The following HERC2 variants were observed in gnomAD, a reference collection of about 807,000 sequenced individuals.
The protein encoded by HERC2 is E3 ubiquitin-protein ligase HERC2.
HERC2 carries 102 observed loss-of-function variants against 537.7 expected under a neutral mutation model. The ratio of observed to expected loss-of-function variants is 0.19; its 90% CI spans 0.16 to 0.22. HERC2 has a LOEUF of 0.22. Among genes scored for constraint, HERC2 ranks in the 10% least tolerant of loss-of-function variants. The probability of loss-of-function intolerance (pLI) is 1.00; values close to 1 mark genes in which losing one functional copy is unlikely to be tolerated. For synonymous variants in HERC2, 2,224 were observed against 2,466.2 expected (o/e 0.90, Z 2.91); for missense variants, 4,236 against 6,198.2 (o/e 0.68, Z 10.63).
Position 28,175,722 on chromosome 15 carries a change from C to T in HERC2, c.9687-66G>A, listed in dbSNP as rs1353992213. Reference sequence around the variant, plus strand: ...GGTCTGACAATGCTATACAAGAAGACACTCATTGTCTCACATCTTTCACAG... The same window carrying T: ...GGTCTGACAATGCTATACAAGAAGATACTCATTGTCTCACATCTTTCACAG... On this transcript the variant is annotated intron_variant, in intron 63 of 92. Transcript: ENST00000261609. 3.8e-5 allele frequency: 57 copies of T among 1,507,772 alleles called. No homozygotes were observed. In the Middle Eastern group the frequency reaches 5.1e-4, roughly 14 times the overall value. 93.4% of individuals were successfully genotyped at this position (1,507,772 alleles called of 1,614,324 possible). A position where few individuals can be genotyped will look rare whatever the true frequency, so the allele number is the denominator to read the frequency against.
chr15:28,118,791 A>G (rs1378290491), intron 86 of HERC2, among the ~76,000 whole-genome samples: 3 of 152,172 alleles, frequency 2.0e-5, no homozygotes, highest in Non-Finnish European at 4.4e-5. Flanking sequence ...CTCCATGTTC[A>G]TTTTTAGGCA....
intron 7 of HERC2, among the ~76,000 whole-genome samples, chr15:28,273,911 T>G (rs1293181889): frequency 6.6e-6 from 1 of 152,126 alleles, no homozygotes; most frequent in Non-Finnish European, 1.5e-5. Flanking sequence ...TGATCTTGAG[T>G]AGTTGTTTAC....
At chr15:28,207,555 C>G (rs1254331138) in intron 44 of HERC2, among the ~76,000 whole-genome samples, 1 of 152,124 alleles carries the variant, frequency 6.6e-6, no homozygotes, top group Non-Finnish European at 1.5e-5. Context: ...TTAAGTGACC[C>G]CAATTCCAAA....
rs543274865 is a variant in HERC2 at position 28,279,948 on chromosome 15, C to T, written c.542+120G>A. 86 of 762,346 alleles carry T rather than the reference C, an allele frequency of 1.1e-4. 1 individual carries two copies. In the South Asian group the frequency reaches 1.5e-3, roughly 14 times the overall value. The allele number at this position is 762,346 out of a possible 1,614,324, so 47.2% of individuals were successfully genotyped here. ...ATACAAAACATACAAAAAGGGAAAG[C>T]AAGAATAAATTTCAGAAGGTGAAGA... is the stretch of plus-strand genomic sequence containing the variant. On this transcript the variant is annotated intron_variant, in intron 5 of 92. Transcript: ENST00000261609.
At chr15:28,152,165 G>A (rs1411443817) in intron 70 of HERC2, among the ~76,000 whole-genome samples, 2 of 152,218 alleles carry the variant, frequency 1.3e-5, no homozygotes, top group African/African-American at 4.8e-5. Flanking sequence ...ACGGGCCTGA[G>A]GAACACACTG....
chr15:28,257,131 G>A lies in HERC2; in HGVS notation c.2447C>T (p.Ser816Phe), dbSNP rs2075287749. ...LRQVSEGMDG[S>F]ADWPPPQEKE... Reference sequence around the variant, plus strand: ...CTCCTGGGGCGGGGGCCAGTCCGCGGAACCATCCATCCCCTCACTCACCTG... The same window carrying A: ...CTCCTGGGGCGGGGGCCAGTCCGCGAAACCATCCATCCCCTCACTCACCTG... Residue 816 changes from serine to phenylalanine, a missense_variant, in exon 17 of 93, where the codon TCC becomes TTC. Physicochemically the swap from Ser to Phe is radical, Grantham distance 155 (BLOSUM62 -2). Transcript: ENST00000261609. 5.6e-6 allele frequency: 9 copies of A among 1,613,694 alleles called. No homozygotes were observed. Among genetic ancestry groups the A allele is most frequent in the African/African-American group, 1.3e-5 (1 of 74,912 alleles).
chr15:28,292,621 G>A (rs2076348889), intron 4 of HERC2, among the ~76,000 whole-genome samples: 1 of 152,178 alleles, frequency 6.6e-6, no homozygotes, highest in Admixed American at 6.5e-5. Context: ...TATAAGACCA[G>A]CCTGGGCAAC....
rs144844826 is a variant in HERC2, at chr15:28,116,704, C to T, written c.13570G>A (p.Ala4524Thr). ...ATGCTGCTGTGCACGGGTGCTCTGG[C>T]GGCCGGGCTGAGCAGGTAGCAGTCT... ...NRDCYLLSPA[A>T]RAPVHSSMFR... Residue 4524 changes from alanine to threonine, a missense_variant, in exon 88 of 93, where the codon GCC (alanine) becomes ACC (threonine). Around this residue, in one of 27 missense-constraint regions of HERC2, gnomAD observed 313 missense variants for 462.6 expected, o/e 0.68. Transcript: ENST00000261609. 2.2e-5 allele frequency: 35 copies of T among 1,613,290 alleles called. 1 individual carries two copies. The highest frequency in any genetic ancestry group is 1.2e-4 in the South Asian group (11 of 91,008).
chr15:28,274,163 G>T (rs1247858848), intron 7 of HERC2, 128 bp downstream of exon 7: 1 of 829,896 alleles, frequency 1.2e-6, no homozygotes, highest in African/African-American at 1.7e-5. Context: ...TCACAGCACT[G>T]ACAGCCCGCT....
At chr15:28,164,298 G>C (rs1222097134) in intron 68 of HERC2, among the ~76,000 whole-genome samples, 1 of 152,132 alleles carries the variant, frequency 6.6e-6, no homozygotes, top group Non-Finnish European at 1.5e-5. Flanking sequence ...TTCCCCTTAA[G>C]GGGAAAATGA....
chr15:28,233,616 C>T lies in HERC2; in HGVS notation c.4351+48G>A, dbSNP rs201533365. 3.9e-5 allele frequency: 63 copies of T among 1,613,624 alleles called. No individual in the cohort carries two copies. In the East Asian group the frequency reaches 5.6e-4, roughly 14 times the overall value. ...GGATGAATATGTACCTCAGGTTAGT[C>T]GAGGAATCTGCAGTGTACCTAAAGT... On this transcript the variant is annotated intron_variant, in intron 28 of 92. Coordinates refer to ENST00000261609, the MANE Select transcript of HERC2 (RefSeq NM_004667.6).
chr15:28,215,059 G>A (rs1344042133), intron 39 of HERC2, among the ~76,000 whole-genome samples: 1 of 151,594 alleles, frequency 6.6e-6, no homozygotes, highest in Non-Finnish European at 1.5e-5. Context: ...TTGGATTTTT[G>A]GTAGAGACAG....
chr15:28,140,811 C>T (rs1166990589), intron 78 of HERC2, among the ~76,000 whole-genome samples: 1 of 151,788 alleles, frequency 6.6e-6, no homozygotes, highest in African/African-American at 2.4e-5. Context: ...CATGAGCCAC[C>T]GCACCGGGTC....
At chr15:28,314,312 T>C (rs1257306939) in intron 2 of HERC2, among the ~76,000 whole-genome samples, 5 of 152,064 alleles carry the variant, frequency 3.3e-5, no homozygotes, top group East Asian at 1.9e-4. Context: ...GCCTGAGGAA[T>C]GAACTAAAGT....
Position 28,176,398 on chromosome 15 carries a change from C to T in HERC2, c.9686+30G>A. The stretch of plus-strand genomic sequence containing the variant: ...CCCTGCACACACCTGCACAAGCACA[C>T]ACAGTGTGACAGGGAGGACGTTTAC... On this transcript the variant is annotated intron_variant, in intron 63 of 92. Transcript: ENST00000261609. The surrounding 1 kb of genome is among the most constrained non-coding windows in gnomAD (Gnocchi z 5.0). 1 of 1,611,226 alleles carries T rather than the reference C, an allele frequency of 6.2e-7. No individual in the cohort carries two copies.
intron 68 of HERC2, 61 bp downstream of exon 68, chr15:28,167,626 T>C: frequency 1.3e-6 from 2 of 1,588,802 alleles, no homozygotes; most frequent in African/African-American, 1.3e-5. Context: ...GTTCTATTTC[T>C]ACTTCTGTGT....
intron 69 of HERC2, among the ~76,000 whole-genome samples, chr15:28,155,486 T>C (rs1478950148): frequency 6.6e-6 from 1 of 152,174 alleles, no homozygotes; most frequent in Non-Finnish European, 1.5e-5. Flanking sequence ...TATCTTATTG[T>C]GGTTTTGATT....
chr15:28,166,772 C>T (rs1007244296), intron 68 of HERC2, among the ~76,000 whole-genome samples: 13 of 152,088 alleles, frequency 8.5e-5, no homozygotes, highest in Non-Finnish European at 1.6e-4. Context: ...GACCGAGTCC[C>T]AGTGACCAGT....
Position 28,152,816 on chromosome 15 carries a change from C to T in HERC2, c.10761G>A (p.Leu3587=). 6.4e-7 allele frequency: 1 copy of T among 1,561,834 alleles called. No homozygotes were observed. Among genetic ancestry groups the T allele is most frequent in the Non-Finnish European group, 8.7e-7 (1 of 1,152,324 alleles). ...GTAYPQVADM[L]LELCVTELED... The stretch of plus-strand genomic sequence containing the variant: ...CCAACTCGGTGACACAGAGCTCCAA[C>T]AGCATATCTGCCACCTGGAGAGGAA... Residue 3587 remains leucine (L), a synonymous_variant, in exon 70 of 93, where the codon CTG becomes CTA. Transcript: ENST00000261609.
Sources: allele counts gnomAD v4.1 joint callset (sites outside exome capture counted in the v4.1 genomes callset), GRCh38; gene constraint gnomAD v4.1.1; regional missense constraint gnomAD v4.1.1; non-coding constraint Gnocchi (gnomAD v3.1); transcripts MANE v1.5; gene names NCBI Gene and HGNC (gene_info 2026-07-23, HGNC 2026-07-21).